HMBOX1: variants seen among roughly 807,000 people sequenced by gnomAD.
HMBOX1 encodes homeobox-containing protein 1.
Under a neutral mutation model 54.5 loss-of-function variants are expected in HMBOX1, and 14 were observed. The observed-to-expected ratio is 0.26, with a 90% CI of 0.17 to 0.40. HMBOX1 has a LOEUF of 0.40. Ranked by LOEUF, HMBOX1 falls within the 10% of genes least tolerant of loss-of-function variation. The pLI is 1.00. For synonymous variants in HMBOX1, 160 were observed against 181.0 expected (o/e 0.88, Z 0.93); for missense variants, 332 against 514.4 (o/e 0.65, Z 3.43).
chr8:28,893,039 C>T (rs1044262595), intron 1 of HMBOX1, among the ~76,000 whole-genome samples: 2 of 152,078 alleles, frequency 1.3e-5, no homozygotes, highest in African/African-American at 4.8e-5. Context: ...TGGAAAAACA[C>T]GAGTGTTTTC....
At chr8:29,046,146 C>T (rs2133365521) in intron 7 of HMBOX1, among the ~76,000 whole-genome samples, 1 of 152,308 alleles carries the variant, frequency 6.6e-6, no homozygotes, top group East Asian at 1.9e-4. Context: ...ACAAAAGTAT[C>T]AATGTTTTAT....
In HMBOX1 at chr8:28,970,196, C is replaced by G; in HGVS notation, c.177C>G (p.Asp59Glu). ...ACCGTCTTGATCAAGAGCATAGTGA[C>G]AAGTTTGGAAGAAGGTCCAGCTATG... ...TLDRLDQEHS[D>E]KFGRRSSYGG... Residue 59 changes from aspartate to glutamate, a missense_variant, in exon 3 of 10, where the codon GAC (aspartate) becomes GAG (glutamate). Coordinates refer to ENST00000287701, the MANE Select transcript of HMBOX1 (RefSeq NM_001135726.3). The surrounding 1 kb of genome is among the most constrained non-coding windows in gnomAD (Gnocchi z 4.3). 1 of 1,614,118 alleles carries G rather than the reference C, an allele frequency of 6.2e-7. No homozygotes were observed. The highest frequency in any genetic ancestry group is 1.3e-5 in the African/African-American group (1 of 75,006).
intron 8 of HMBOX1, 34 bp downstream of exon 8, chr8:29,047,487 C>G: frequency 9.0e-7 from 1 of 1,116,418 alleles, no homozygotes. Flanking sequence ...TTCTCTTGTG[C>G]AGCAGTTGTG....
chr8:29,047,161 A>G (rs1805692399), intron 7 of HMBOX1, among the ~76,000 whole-genome samples, 197 bp from the exon 8 acceptor site: 1 of 152,154 alleles, frequency 6.6e-6, no homozygotes, highest in African/African-American at 2.4e-5. Context: ...TTGTTTTTGT[A>G]TTCATTTACA....
At chr8:28,975,360 A>G (rs146523540) in intron 3 of HMBOX1, among the ~76,000 whole-genome samples, 9 of 152,330 alleles carry the variant, frequency 5.9e-5, no homozygotes, top group Non-Finnish European at 1.0e-4. Context: ...TTAGCTTTGA[A>G]GATCAGGGAG....
At chr8:29,000,641 T>C (rs1832506840) in intron 4 of HMBOX1, among the ~76,000 whole-genome samples, 3 of 152,216 alleles carry the variant, frequency 2.0e-5, no homozygotes, top group African/African-American at 7.2e-5. Flanking sequence ...TTGAGTCAGG[T>C]CAAATAAAGC....
intron 6 of HMBOX1, among the ~76,000 whole-genome samples, chr8:29,036,768 G>A (rs1419087128): frequency 1.3e-5 from 2 of 152,168 alleles, no homozygotes; most frequent in Non-Finnish European, 2.9e-5. Context: ...CTGAGCCAGT[G>A]AACTAATAAG....
chr8:28,924,827 GT>G (rs1818161030), intron 1 of HMBOX1: 1 of 151,468 alleles, frequency 6.6e-6, no homozygotes, highest in Admixed American at 6.6e-5. Flanking sequence ...GGTCAGGCTG[GT>G]CTCAAACTCT....
At chr8:28,947,346 G>A (rs924205783) in intron 1 of HMBOX1, among the ~76,000 whole-genome samples, 1 of 152,218 alleles carries the variant, frequency 6.6e-6, no homozygotes, top group Non-Finnish European at 1.5e-5. Flanking sequence ...ACCACTATCT[G>A]ACTGCCCACC....
intron 1 of HMBOX1, among the ~76,000 whole-genome samples, chr8:28,895,592 T>C (rs899545579): frequency 6.6e-6 from 1 of 151,932 alleles, no homozygotes; most frequent in Non-Finnish European, 1.5e-5. Flanking sequence ...GGAGAATCGC[T>C]TGAACCTGGG....
chr8:29,010,108 T>G (rs1834034429), intron 5 of HMBOX1: 3 of 980,096 alleles, frequency 3.1e-6, no homozygotes, highest in Non-Finnish European at 3.6e-6. Context: ...ATCCGAATGG[T>G]CCAGGCAGGA....
chr8:28,948,666 G>A (rs1323302767), intron 1 of HMBOX1, among the ~76,000 whole-genome samples: 1 of 152,112 alleles, frequency 6.6e-6, no homozygotes, highest in Non-Finnish European at 1.5e-5. Context: ...ATTAGTGTAA[G>A]CACTAACCTG....
intron 6 of HMBOX1, among the ~76,000 whole-genome samples, chr8:29,023,292 AC>A (rs1394818153): frequency 6.6e-6 from 1 of 152,240 alleles, no homozygotes; most frequent in Non-Finnish European, 1.5e-5. Flanking sequence ...TTTAAAAAAA[AC>A]AGCCTTAATG....
At chr8:28,936,682 G>T (rs1820453114) in intron 1 of HMBOX1, among the ~76,000 whole-genome samples, 1 of 151,382 alleles carries the variant, frequency 6.6e-6, no homozygotes, top group South Asian at 2.1e-4. Flanking sequence ...CAGGGAAAAT[G>T]AATCTTTTTA....
At chr8:29,031,338 T>C (rs1410165125) in intron 6 of HMBOX1, among the ~76,000 whole-genome samples, 1 of 152,184 alleles carries the variant, frequency 6.6e-6, no homozygotes, top group Non-Finnish European at 1.5e-5. Flanking sequence ...ATTTATTAAG[T>C]AGAATATCAT....
chr8:28,953,233 A>G (rs925920327), intron 1 of HMBOX1, among the ~76,000 whole-genome samples: 16 of 152,226 alleles, frequency 1.1e-4, no homozygotes, highest in African/African-American at 2.6e-4. Flanking sequence ...TCCTGTTTCT[A>G]TGGTATGTGT....
intron 6 of HMBOX1, among the ~76,000 whole-genome samples, chr8:29,036,465 GTTTA>G (rs1372068919): frequency 6.6e-6 from 1 of 152,102 alleles, no homozygotes; most frequent in Non-Finnish European, 1.5e-5. Flanking sequence ...AAGTCCCAGG[GTTTA>G]TTTAATTCTC....
At chr8:28,907,326 G>T (rs1469100673) in intron 1 of HMBOX1, among the ~76,000 whole-genome samples, 24 of 152,184 alleles carry the variant, frequency 1.6e-4, no homozygotes, top group Admixed American at 1.6e-3. Context: ...TATTGCCAGG[G>T]TAGAGCTCAG....
At chr8:28,958,247 G>A (rs952974372) in intron 1 of HMBOX1, among the ~76,000 whole-genome samples, 1 of 152,156 alleles carries the variant, frequency 6.6e-6, no homozygotes, top group African/African-American at 2.4e-5. Context: ...GATTACAAAC[G>A]TGAGCCACTG....
Sources: allele counts gnomAD v4.1 joint callset (sites outside exome capture counted in the v4.1 genomes callset), GRCh38; gene constraint gnomAD v4.1.1; non-coding constraint Gnocchi (gnomAD v3.1); transcripts MANE v1.5; gene names NCBI Gene and HGNC (gene_info 2026-07-23, HGNC 2026-07-21).